NRXN3: variants seen among roughly 807,000 people sequenced by gnomAD.
The protein encoded by NRXN3 is neurexin III.
In NRXN3, 32 loss-of-function variants were observed where a neutral mutation model predicts 137.6. The observed-to-expected ratio is 0.23, with a 90% CI of 0.18 to 0.31. The LOEUF (loss-of-function observed/expected upper bound fraction) is 0.31, where lower values mean the gene tolerates loss of function less well. Ranked by LOEUF, NRXN3 falls within the 10% of genes least tolerant of loss-of-function variation. The pLI, the probability that NRXN3 is intolerant of heterozygous loss-of-function variation, is 1.00. For missense variants in NRXN3, 1,574 were observed against 2,062.5 expected (o/e 0.76, Z 4.59); for synonymous variants, 798 against 784.5 (o/e 1.02, Z -0.29).
intron 8 of NRXN3, among the ~76,000 whole-genome samples, chr14:78,781,108 A>G (rs142288354): frequency 0.013 from 2,004 of 152,330 alleles, 34 homozygotes; most frequent in Non-Finnish European, 0.015. Context: ...TGAGAGCTAC[A>G]TGCAACATTA....
intron 15 of NRXN3, chr14:79,247,017 A>G (rs1307594091): frequency 6.6e-6 from 1 of 152,320 alleles, no homozygotes; most frequent in Non-Finnish European, 1.5e-5. Context: ...AAATATGAAA[A>G]TGCTTGAGCA....
chr14:78,612,463 G>A (rs1335354530), intron 4 of NRXN3, among the ~76,000 whole-genome samples: 1 of 152,178 alleles, frequency 6.6e-6, no homozygotes. Flanking sequence ...GATTTATATT[G>A]ATAAAGAGAT....
chr14:79,152,112 C>A (rs192663869), intron 15 of NRXN3, among the ~76,000 whole-genome samples: 83 of 152,062 alleles, frequency 5.5e-4, no homozygotes, highest in African/African-American at 1.7e-3. Context: ...CTATATTGAA[C>A]AGTGTTTCTA....
intron 16 of NRXN3, among the ~76,000 whole-genome samples, chr14:79,506,698 A>G (rs1413111890): frequency 1.3e-5 from 2 of 151,830 alleles, no homozygotes; most frequent in Non-Finnish European, 2.9e-5. Flanking sequence ...TCTGTTTGAC[A>G]TTTTCCCTTC....
intron 20 of NRXN3, among the ~76,000 whole-genome samples, chr14:79,833,059 A>G (rs968340868): frequency 6.6e-6 from 1 of 152,146 alleles, no homozygotes; most frequent in African/African-American, 2.4e-5. Flanking sequence ...CCATGCAACT[A>G]ATAGACTTTT....
chr14:79,440,457 A>T (rs777482499), intron 15 of NRXN3, among the ~76,000 whole-genome samples: 1 of 152,196 alleles, frequency 6.6e-6, no homozygotes, highest in Non-Finnish European at 1.5e-5. Context: ...TTATTTATTA[A>T]TATCACTGAC....
At chr14:78,289,775 G>T (rs61976016) in intron 3 of NRXN3, among the ~76,000 whole-genome samples, 6 of 152,066 alleles carry the variant, frequency 3.9e-5, no homozygotes, top group Non-Finnish European at 8.8e-5. Context: ...TTAGCTGGGC[G>T]TGGTGGCAGA....
In NRXN3 at chr14:79,802,932, G is replaced by A. The variant is rs137999971; in HGVS notation, c.4015-2180G>A. Among the ~76,000 whole-genome samples the A allele has an allele frequency of 1.5e-3, 226 of 152,120 alleles. 1 individual carries two copies. The highest frequency in any genetic ancestry group is 5.1e-3 in the African/African-American group (211 of 41,492). ...GCATCAGGATAAACAGCTGATACAC[G>A]CGGGGCTTAATACCTAGGTGATGGG... On this transcript the variant is annotated intron_variant, in intron 19 of 20. Coordinates refer to ENST00000335750, the MANE Select transcript of NRXN3 (RefSeq NM_001330195.2).
intron 4 of NRXN3, among the ~76,000 whole-genome samples, chr14:78,644,155 GA>G (rs984945950): frequency 6.7e-6 from 1 of 149,490 alleles, no homozygotes; most frequent in Non-Finnish European, 1.5e-5. Flanking sequence ...AAAAAAAAAG[GA>G]AATAAAAAGA....
intron 8 of NRXN3, among the ~76,000 whole-genome samples, chr14:78,743,578 A>G (rs1567197708): frequency 1.3e-5 from 2 of 152,210 alleles, no homozygotes; most frequent in Non-Finnish European, 1.5e-5. Context: ...CTCTAAATCT[A>G]CATGCCCAAA....
intron 4 of NRXN3, among the ~76,000 whole-genome samples, chr14:78,458,256 T>C (rs2094809779): frequency 6.6e-6 from 1 of 152,224 alleles, no homozygotes; most frequent in African/African-American, 2.4e-5. Flanking sequence ...TAGAGCCCTT[T>C]GCTCAGAGGA....
intron 15 of NRXN3, among the ~76,000 whole-genome samples, chr14:79,321,886 T>TACAC (rs530121658): frequency 1.3e-5 from 2 of 149,318 alleles, no homozygotes; most frequent in African/African-American, 2.4e-5. Flanking sequence ...ACTATATATA[T>TACAC]ACACACACAC....
intron 4 of NRXN3, among the ~76,000 whole-genome samples, chr14:78,597,277 C>T (rs537655281): frequency 5.0e-4 from 76 of 152,202 alleles, no homozygotes; most frequent in Non-Finnish European, 9.0e-4. Flanking sequence ...AATAAAATAC[C>T]CCTCCACACT....
chr14:79,291,997 T>A (rs1026643826), intron 15 of NRXN3, among the ~76,000 whole-genome samples: 1 of 152,146 alleles, frequency 6.6e-6, no homozygotes, highest in Non-Finnish European at 1.5e-5. Context: ...GTAGGCACTA[T>A]TGTTATCATG....
intron 4 of NRXN3, among the ~76,000 whole-genome samples, chr14:78,346,111 G>C (rs1351521889): frequency 6.6e-6 from 1 of 152,184 alleles, no homozygotes; most frequent in Non-Finnish European, 1.5e-5. Context: ...GCTCTATTGA[G>C]ACCTGAAGCA....
At chr14:78,937,717 C>T (rs1233504144) in intron 10 of NRXN3, among the ~76,000 whole-genome samples, 3 of 152,212 alleles carry the variant, frequency 2.0e-5, no homozygotes, top group Non-Finnish European at 4.4e-5. Context: ...ATAAGTGACA[C>T]TGACTTCACA....
chr14:79,369,839 C>T (rs1251170200), intron 15 of NRXN3, among the ~76,000 whole-genome samples: 1 of 152,180 alleles, frequency 6.6e-6, no homozygotes, highest in Non-Finnish European at 1.5e-5. Context: ...TAGAGCAGGG[C>T]TGATAATGTA....
intron 10 of NRXN3, among the ~76,000 whole-genome samples, chr14:78,841,171 G>C (rs2099011289): frequency 1.3e-5 from 2 of 152,128 alleles, no homozygotes; most frequent in Admixed American, 6.6e-5. Context: ...TGATCGAGCT[G>C]AGAAGAACAG....
At chr14:79,738,607 G>T (rs1041726030) in intron 19 of NRXN3, among the ~76,000 whole-genome samples, 2 of 152,144 alleles carry the variant, frequency 1.3e-5, no homozygotes, top group African/African-American at 4.8e-5. Flanking sequence ...CACCCAGGCT[G>T]GAGTGCAGTG....
Sources: allele counts gnomAD v4.1 joint callset (sites outside exome capture counted in the v4.1 genomes callset), GRCh38; gene constraint gnomAD v4.1.1; transcripts MANE v1.5; gene names NCBI Gene and HGNC (gene_info 2026-07-23, HGNC 2026-07-21).